Variants in ROBO2 observed in about 807,000 individuals in gnomAD.
ROBO2 encodes the protein roundabout homolog 2.
In ROBO2, 53 loss-of-function variants were observed where a neutral mutation model predicts 160.8. The observed-to-expected ratio is 0.33, with a 90% CI of 0.26 to 0.41. The LOEUF is 0.41. ROBO2 is among the 10% of genes least tolerant of loss of function. ROBO2 has a pLI of 1.00. For missense variants in ROBO2, 1,577 were observed against 1,722.4 expected, an observed-to-expected ratio of 0.92 and a Z score of 1.49; for synonymous variants, 664 against 611.7, an observed-to-expected ratio of 1.09 and a Z score of -1.26.
intron 1 of ROBO2, among the ~76,000 whole-genome samples, chr3:77,047,382 T>G (rs1216814333): frequency 6.6e-6 from 1 of 152,126 alleles, no homozygotes; most frequent in Admixed American, 6.6e-5. Context: ...TAAAATAGTT[T>G]TAAAAATATA....
chr3:76,251,653 CTG>C (rs1706008797), intron 2 of ROBO2, among the ~76,000 whole-genome samples: 1 of 152,046 alleles, frequency 6.6e-6, no homozygotes, highest in Non-Finnish European at 1.5e-5. Flanking sequence ...GCTTATGTAA[CTG>C]TTTTCTATAA....
rs540667840 is a variant in ROBO2 at position 76,920,860 on chromosome 3, A to C, written c.110-177154A>C. Among the ~76,000 whole-genome samples, 3 of 152,366 alleles carry C rather than the reference A, an allele frequency of 2.0e-5. No individual in the cohort carries two copies. In the South Asian group the frequency reaches 6.2e-4, roughly 32 times the overall value. On this transcript the variant is annotated intron_variant, in intron 2 of 26. Transcript: ENST00000487694. ...AAGTTAGACAAATTTAAATAGAATG[A>C]GTTTTTTTAAAAACTCACAGCTTAT...
At chr3:77,106,395 T>C (rs1420408037) in intron 2 of ROBO2, among the ~76,000 whole-genome samples, 4 of 148,258 alleles carry the variant, frequency 2.7e-5, no homozygotes, top group African/African-American at 1.0e-4. Flanking sequence ...TAGATGCAAG[T>C]TGATTTTACT....
At chr3:77,413,370 G>T (rs2076957088) in intron 2 of ROBO2, among the ~76,000 whole-genome samples, 1 of 152,128 alleles carries the variant, frequency 6.6e-6, no homozygotes, top group African/African-American at 2.4e-5. Context: ...CAGCCTGGGT[G>T]GGATAAATCC....
chr3:76,755,315 G>T (rs1472853386), intron 2 of ROBO2, among the ~76,000 whole-genome samples: 3 of 151,624 alleles, frequency 2.0e-5, no homozygotes, highest in Non-Finnish European at 4.4e-5. Context: ...TATATCTTTG[G>T]ATTATCAGAC....
intron 2 of ROBO2, among the ~76,000 whole-genome samples, chr3:76,464,824 TC>T (rs2078279087): frequency 6.6e-6 from 1 of 152,138 alleles, no homozygotes; most frequent in Non-Finnish European, 1.5e-5. Flanking sequence ...GTTCATCAAA[TC>T]CTTTAGGCCT....
At chr3:77,392,549 A>G (rs1388977942) in intron 2 of ROBO2, among the ~76,000 whole-genome samples, 1 of 152,184 alleles carries the variant, frequency 6.6e-6, no homozygotes, top group African/African-American at 2.4e-5. Flanking sequence ...TTAAAATTAT[A>G]TATTGTGGAG....
At chr3:77,628,451 G>A (rs901837971) in intron 23 of ROBO2, among the ~76,000 whole-genome samples, 1 of 147,800 alleles carries the variant, frequency 6.8e-6, no homozygotes. Context: ...TTTTTGTGGG[G>A]GGGGGGTAAT....
At chr3:77,229,034 A>C (rs944746753) in intron 2 of ROBO2, among the ~76,000 whole-genome samples, 5 of 152,184 alleles carry the variant, frequency 3.3e-5, no homozygotes, top group Admixed American at 2.0e-4. Context: ...AACCAATGCA[A>C]TCAACCTCTC....
intron 1 of ROBO2, among the ~76,000 whole-genome samples, chr3:77,078,038 A>G (rs1290293875): frequency 6.6e-6 from 1 of 152,204 alleles, no homozygotes; most frequent in Non-Finnish European, 1.5e-5. Context: ...CATTATTGAT[A>G]TCAGTGAGGT....
exon 17 of ROBO2, chr3:77,588,790 G>A: frequency 1.2e-6 from 2 of 1,613,430 alleles, no homozygotes; most frequent in African/African-American, 1.3e-5. Context: ...AACAATAACA[G>A]CATAACTGAG....
intron 2 of ROBO2, among the ~76,000 whole-genome samples, chr3:76,861,640 C>G (rs1258797062): frequency 6.6e-6 from 1 of 152,166 alleles, no homozygotes; most frequent in Non-Finnish European, 1.5e-5. Context: ...CAATCCCTCA[C>G]TTGAATTCTA....
intron 2 of ROBO2, among the ~76,000 whole-genome samples, chr3:76,207,157 T>C (rs1056004487): frequency 6.6e-6 from 1 of 152,208 alleles, no homozygotes; most frequent in East Asian, 1.9e-4. Flanking sequence ...ATACTGAGCC[T>C]TACTTATAGC....
chr3:77,215,102 A>G (rs2084747919), intron 2 of ROBO2, among the ~76,000 whole-genome samples: 3 of 152,122 alleles, frequency 2.0e-5, no homozygotes, highest in South Asian at 4.2e-4. Context: ...CGTTCTCTGT[A>G]TTTCCTGAAT....
At chr3:76,603,540 GATGA>G in intron 2 of ROBO2, among the ~76,000 whole-genome samples, 1 of 151,600 alleles carries the variant, frequency 6.6e-6, no homozygotes, top group East Asian at 1.9e-4. Flanking sequence ...TTTTTACTCT[GATGA>G]ATGAATAGAT....
chr3:76,214,969 A>G (rs1703406441), intron 2 of ROBO2, among the ~76,000 whole-genome samples: 1 of 152,150 alleles, frequency 6.6e-6, no homozygotes, highest in Non-Finnish European at 1.5e-5. Flanking sequence ...CAAAACTTCC[A>G]GAGGAACAAT....
Position 77,160,996 on chromosome 3 carries a change from A to G in ROBO2, c.388+62656A>G, listed in dbSNP as rs550962774. Among the ~76,000 whole-genome samples, 34 of 152,264 alleles carry G rather than the reference A, an allele frequency of 2.2e-4. No individual in the cohort carries two copies. In the South Asian group the frequency reaches 5.4e-3, roughly 24 times the overall value. ...GTAGAGTGTTATTAAAGCATCCTTTATGACTGAGTGGTTAACTGGTTCCAC... is the reference window on the plus strand; with the variant it reads ...GTAGAGTGTTATTAAAGCATCCTTTGTGACTGAGTGGTTAACTGGTTCCAC... On this transcript the variant is annotated intron_variant, in intron 2 of 25. Transcript: ENST00000461745.
At chr3:76,480,878 C>A (rs1424602491) in intron 2 of ROBO2, among the ~76,000 whole-genome samples, 1 of 152,120 alleles carries the variant, frequency 6.6e-6, no homozygotes, top group East Asian at 1.9e-4. Flanking sequence ...GATGTTAAAG[C>A]AGATTTATTG....
chr3:76,342,446 GCACA>G (rs1355573864), intron 2 of ROBO2, among the ~76,000 whole-genome samples: 8 of 152,078 alleles, frequency 5.3e-5, no homozygotes, highest in Non-Finnish European at 8.8e-5. Flanking sequence ...ATGAATGACT[GCACA>G]GAGTGGGTGC....
Sources: allele counts gnomAD v4.1 joint callset (sites outside exome capture counted in the v4.1 genomes callset), GRCh38; gene constraint gnomAD v4.1.1; transcripts MANE v1.5; gene names NCBI Gene and HGNC (gene_info 2026-07-23, HGNC 2026-07-21).